The following LPCAT2 variants were observed in gnomAD, a reference collection of about 807,000 sequenced individuals.
The protein encoded by LPCAT2 is 1-AGP acyltransferase 11.
LPCAT2 carries 58 observed loss-of-function variants against 64.7 expected under a neutral mutation model. That is an observed-to-expected ratio of 0.90 (90% confidence interval 0.73 to 1.12). LPCAT2 has a LOEUF of 1.12. Among genes scored for constraint, LPCAT2 ranks in the 50% most tolerant of loss-of-function variants. The probability of loss-of-function intolerance (pLI) is 0.00; values close to 1 mark genes in which losing one functional copy is unlikely to be tolerated. For missense variants in LPCAT2, 579 were observed against 669.8 expected (o/e 0.86, Z 1.50); for synonymous variants, 252 against 245.3 (o/e 1.03, Z -0.26).
intron 7 of LPCAT2, among the ~76,000 whole-genome samples, chr16:55,535,070 T>C (rs1210162302): frequency 1.3e-5 from 2 of 152,198 alleles, no homozygotes; most frequent in East Asian, 3.8e-4. Flanking sequence ...GAACAGAACA[T>C]GTAGAAACTT....
chr16:55,545,525 A>G (rs1417256389), intron 8 of LPCAT2: 1 of 402,470 alleles, frequency 2.5e-6, no homozygotes, highest in Admixed American at 4.4e-5. Flanking sequence ...TGGTTCATCA[A>G]AGTTAAATGA....
chr16:55,534,628 A>G, intron 7 of LPCAT2, 151 bp downstream of exon 7: 1 of 442,018 alleles, frequency 2.3e-6, no homozygotes, highest in Non-Finnish European at 4.0e-6. Flanking sequence ...CCTAAGTCTT[A>G]TAACTGATAA....
chr16:55,574,053 T>C (rs1163597899), intron 11 of LPCAT2, among the ~76,000 whole-genome samples: 1 of 152,200 alleles, frequency 6.6e-6, no homozygotes, highest in Admixed American at 6.5e-5. Context: ...CTTAGAAGTG[T>C]AAGATCTTCT....
chr16:55,511,060 T>C (rs965994989), intron 1 of LPCAT2, among the ~76,000 whole-genome samples: 1 of 152,194 alleles, frequency 6.6e-6, no homozygotes, highest in Non-Finnish European at 1.5e-5. Flanking sequence ...TGTATGACTT[T>C]GGCCAAGTCA....
intron 1 of LPCAT2, among the ~76,000 whole-genome samples, chr16:55,514,696 T>G (rs1246718037): frequency 7.2e-5 from 11 of 152,164 alleles, no homozygotes; most frequent in Non-Finnish European, 1.5e-5. Context: ...AAAGTATAGC[T>G]TATAAATAGT....
At chr16:55,562,685 G>A (rs1334504417) in intron 11 of LPCAT2, among the ~76,000 whole-genome samples, 1 of 151,804 alleles carries the variant, frequency 6.6e-6, no homozygotes, top group Non-Finnish European at 1.5e-5. Flanking sequence ...CCTAAGTACT[G>A]AGCCCAAGTC....
intron 11 of LPCAT2, among the ~76,000 whole-genome samples, chr16:55,551,778 T>A (rs1412516551): frequency 6.6e-6 from 1 of 152,108 alleles, no homozygotes; most frequent in East Asian, 1.9e-4. Context: ...TTTTAATATA[T>A]AAAATTGATA....
chr16:55,537,439 T>A, intron 7 of LPCAT2, 139 bp from the exon 8 acceptor site: 1 of 582,306 alleles, frequency 1.7e-6, no homozygotes, highest in East Asian at 3.1e-5. Flanking sequence ...GTGTTATAGC[T>A]GCAGTGTAGC....
At chr16:55,567,742 C>T in intron 11 of LPCAT2, 1 of 456,150 alleles carries the variant, frequency 2.2e-6, no homozygotes. Context: ...TATGGACTTG[C>T]ATATATATGG....
chr16:55,562,786 A>G (rs1963650735), intron 11 of LPCAT2, among the ~76,000 whole-genome samples: 1 of 151,728 alleles, frequency 6.6e-6, no homozygotes, highest in South Asian at 2.1e-4. Context: ...GAGACCCCCA[A>G]ATGCTAAGTA....
chr16:55,573,598 G>A (rs948059646), intron 11 of LPCAT2, among the ~76,000 whole-genome samples: 11 of 152,052 alleles, frequency 7.2e-5, no homozygotes, highest in African/African-American at 2.7e-4. Flanking sequence ...CTAGTTCATA[G>A]TTTATCTGGG....
intron 1 of LPCAT2, among the ~76,000 whole-genome samples, chr16:55,519,336 TA>T (rs35728673): frequency 0.017 from 2,385 of 138,514 alleles, 30 homozygotes; most frequent in South Asian, 0.062. Flanking sequence ...CCGTCTCTAC[TA>T]AAAAAAAAAA....
intron 2 of LPCAT2, chr16:55,525,886 T>A: frequency 3.8e-6 from 1 of 264,528 alleles, no homozygotes; most frequent in Non-Finnish European, 7.0e-6. Flanking sequence ...CCAACTACAT[T>A]ATGATAATCT....
intron 8 of LPCAT2, chr16:55,540,152 T>G (rs1421256075): frequency 2.6e-5 from 4 of 152,168 alleles, no homozygotes; most frequent in Admixed American, 2.6e-4. Flanking sequence ...TTCCCAGCCC[T>G]CTCTGCTTCC....
At chr16:55,564,491 G>A (rs1350401129) in intron 11 of LPCAT2, among the ~76,000 whole-genome samples, 2 of 151,858 alleles carry the variant, frequency 1.3e-5, no homozygotes, top group African/African-American at 4.8e-5. Context: ...CTGGTTTCAA[G>A]AAAGACATAT....
intron 11 of LPCAT2, among the ~76,000 whole-genome samples, chr16:55,555,693 T>C (rs1483937857): frequency 6.6e-6 from 1 of 152,246 alleles, no homozygotes; most frequent in African/African-American, 2.4e-5. Flanking sequence ...TGGACTTCTC[T>C]TCTGGGCTTG....
intron 11 of LPCAT2, among the ~76,000 whole-genome samples, chr16:55,571,194 A>G (rs1388443656): frequency 6.6e-6 from 1 of 152,248 alleles, no homozygotes; most frequent in Non-Finnish European, 1.5e-5. Flanking sequence ...AATAAATTCA[A>G]CTATGAAACA....
At chr16:55,542,079 G>A (rs1963405160) in intron 8 of LPCAT2, 1 of 759,182 alleles carries the variant, frequency 1.3e-6, no homozygotes, top group African/African-American at 1.9e-5. Flanking sequence ...TGTGCTTGAT[G>A]TAGTCAAGAA....
intron 1 of LPCAT2, 36 bp from the exon 2 acceptor site, chr16:55,525,472 G>T (rs1452316713): frequency 1.3e-6 from 2 of 1,570,514 alleles, no homozygotes; most frequent in African/African-American, 2.7e-5. Context: ...TTAAAATAAT[G>T]TCCATTCATT....
Sources: allele counts gnomAD v4.1 joint callset (sites outside exome capture counted in the v4.1 genomes callset), GRCh38; gene constraint gnomAD v4.1.1; transcripts MANE v1.5; gene names NCBI Gene and HGNC (gene_info 2026-07-23, HGNC 2026-07-21).